TPCN1: variants seen among roughly 807,000 people sequenced by gnomAD.
The protein encoded by TPCN1 is two pore segment channel 1, also known as two pore channel protein 1.
TPCN1 carries 52 observed loss-of-function variants against 108.8 expected under a neutral mutation model. The observed-to-expected ratio is 0.48, with a 90% CI of 0.38 to 0.60. The LOEUF (loss-of-function observed/expected upper bound fraction) is 0.60, where lower values mean the gene tolerates loss of function less well. Among genes scored for constraint, TPCN1 ranks in the 20% least tolerant of loss-of-function variants. TPCN1 has a pLI of 0.00. For synonymous variants in TPCN1, 446 were observed against 433.7 expected (o/e 1.03, Z -0.35); for missense variants, 806 against 1,072.8 (o/e 0.75, Z 3.47).
At position 113,271,426 on chromosome 12, in the gene TPCN1, TATC is replaced by T. The variant is rs1955497497; in HGVS notation, c.749-1229_749-1227del. Reference sequence around the variant, plus strand: ...CCAAAGGTACCCCCTGTCCTACGCTTATCATTCCCATGCACGTCTTTATATTTT... The same window carrying T: ...CCAAAGGTACCCCCTGTCCTACGCTTATTCCCATGCACGTCTTTATATTTT... On this transcript the variant is annotated intron_variant, in intron 7 of 27. Coordinates refer to ENST00000335509, the MANE Select transcript of TPCN1 (RefSeq NM_017901.6). 2.0e-5 allele frequency among the ~76,000 whole-genome samples: 3 copies of T among 152,220 alleles called. No individual in the cohort carries two copies. The South Asian group carries it at 6.2e-4, about 31-fold the overall frequency.
At chr12:113,239,795 G>A (rs1287106822) in intron 2 of TPCN1, among the ~76,000 whole-genome samples, 33 of 152,128 alleles carry the variant, frequency 2.2e-4, no homozygotes, top group Admixed American at 1.7e-3. Context: ...CCCCGTCGCC[G>A]CCCTACCATT....
intron 2 of TPCN1, among the ~76,000 whole-genome samples, chr12:113,253,981 G>A (rs949509900): frequency 3.9e-5 from 6 of 152,236 alleles, no homozygotes; most frequent in African/African-American, 7.2e-5. Flanking sequence ...AGAGATGGTA[G>A]TATAGTGCAG....
At chr12:113,285,770 A>C (rs1294940953) in intron 17 of TPCN1, 119 bp from the exon 18 acceptor site, 1 of 873,216 alleles carries the variant, frequency 1.1e-6, no homozygotes, top group Non-Finnish European at 1.9e-6. Flanking sequence ...GCCTGGGCTC[A>C]GCCTGGAGGG....
rs747874457 is a variant in TPCN1, at chr12:113,278,832, A to G, written c.1294A>G (p.Lys432Glu). 5 of 1,613,842 alleles carry G rather than the reference A, an allele frequency of 3.1e-6. No homozygotes were observed. The highest frequency in any genetic ancestry group is 4.2e-6 in the Non-Finnish European group (5 of 1,179,832). The change falls in exon 14 of 28, where the codon AAA becomes GAA. Residue 432 changes from lysine to glutamate, a missense_variant. Lys to Glu is a moderately conservative substitution (Grantham distance 56). Transcript: ENST00000335509. ...TCCCAGGACGGCGCTCCTCATCTTCAAAGGTAAGTGGGCTTGAGTATGGCA... is the reference window on the plus strand; with the variant it reads ...TCCCAGGACGGCGCTCCTCATCTTCGAAGGTAAGTGGGCTTGAGTATGGCA... Reference protein sequence around the residue: ...ELPRTALLIFKGINILVKSKA... With the variant: ...ELPRTALLIFEGINILVKSKA...
rs770682225 is a variant in TPCN1, at chr12:113,266,186, G to A, written c.244G>A (p.Glu82Lys). The A allele has an allele frequency of 5.6e-6, 9 of 1,614,070 alleles. No individual in the cohort carries two copies. The highest frequency in any genetic ancestry group is 2.2e-5 in the East Asian group (1 of 44,876). ...ACTACTCTCATCTTTTCAGGAAGGC[G>A]AGAACAACGACAAGTTCTTCACCCA... ...QEAAIYLQEG[E>K]NNDKFFTHPK... The change falls in exon 4 of 28, where the codon GAG becomes AAG. Residue 82 changes from glutamate to lysine, a missense_variant. Coordinates refer to ENST00000335509, the MANE Select transcript of TPCN1 (RefSeq NM_017901.6). This position sits in a 1 kb window ranked among gnomAD's most constrained non-coding sequence, Gnocchi z 4.2.
At chr12:113,224,670 A>C (rs929048381) in intron 1 of TPCN1, among the ~76,000 whole-genome samples, 7 of 152,190 alleles carry the variant, frequency 4.6e-5, no homozygotes, top group African/African-American at 1.4e-4. Context: ...TGCTGGGATT[A>C]CAGGCATGAG....
intron 2 of TPCN1, among the ~76,000 whole-genome samples, chr12:113,245,317 G>GGCCCCTCAGTATCACC (rs761738221): frequency 1.6e-5 from 2 of 122,848 alleles, no homozygotes; most frequent in African/African-American, 3.4e-5. Flanking sequence ...AGAAAAGGGG[G>GGCCCCTCAGTATCACC]CTGGGCGCGG....
Position 113,286,994 on chromosome 12 carries a change from T to G in TPCN1, c.1534T>G (p.Phe512Val). 1.9e-6 allele frequency: 3 copies of G among 1,613,632 alleles called. No individual in the cohort carries two copies. The highest frequency in any genetic ancestry group is 2.5e-6 in the Non-Finnish European group (3 of 1,179,882). ...GCCTCTCCCCTACTGCAGGTTTGAC[T>G]TCTCCGTGACAGTGTTCGCCTTCCT... ...YLSSGWNLFD[F>V]SVTVFAFLGL... is the part of the protein sequence containing the mutation. The change falls in exon 19 of 28, where the codon TTC (phenylalanine) becomes GTC (valine). Residue 512 changes from phenylalanine to valine, a missense_variant. Transcript: ENST00000335509.
At chr12:113,286,915 G>A (rs1402985940) in intron 18 of TPCN1, 72 bp from the exon 19 acceptor site, 1 of 1,103,200 alleles carries the variant, frequency 9.1e-7, no homozygotes, top group Non-Finnish European at 1.4e-6. Context: ...GCTGTGCACA[G>A]GGCCAGGGAG....
rs552487208 is a variant in TPCN1 at position 113,291,529 on chromosome 12, G to A, written c.1960-80G>A. ...ATCACGGTGGGGTCTGCGAAGAGCC[G>A]GGGCCATGGAGCAGCCTGTGTAGAC... On this transcript the variant is annotated intron_variant, in intron 23 of 27. Transcript: ENST00000335509. 75 of 1,247,502 alleles carry A rather than the reference G, an allele frequency of 6.0e-5. 1 individual carries two copies. In the Admixed American group the frequency reaches 1.2e-3, roughly 19 times the overall value. The allele number at this position is 1,247,502 out of a possible 1,614,324, so 77.3% of individuals were successfully genotyped here. A position where few individuals can be genotyped will look rare whatever the true frequency, so the allele number is the denominator to read the frequency against.
chr12:113,260,666 A>G (rs1954996736), intron 3 of TPCN1, among the ~76,000 whole-genome samples, 174 bp downstream of exon 3: 1 of 152,120 alleles, frequency 6.6e-6, no homozygotes, highest in East Asian at 1.9e-4. Flanking sequence ...TCATAGGGGA[A>G]AACTGCTGTG....
Position 113,273,759 on chromosome 12 carries a change from T to G in TPCN1, c.942+91T>G, listed in dbSNP as rs532992684. The G allele has an allele frequency of 1.9e-6, 2 of 1,062,570 alleles. No individual in the cohort carries two copies. The highest frequency in any genetic ancestry group is 3.1e-5 in the African/African-American group (2 of 64,458). The allele number at this position is 1,062,570 out of a possible 1,614,324, so 65.8% of individuals were successfully genotyped here. On this transcript the variant is annotated intron_variant, in intron 10 of 27. Transcript: ENST00000335509. This position sits in a 1 kb window ranked among gnomAD's most constrained non-coding sequence, Gnocchi z 4.0. ...TGGGAGTGGAGAAGTGGGGACTGTC[T>G]TCTGCCTCTCAGGGCAGAACGTTGG...
intron 27 of TPCN1, among the ~76,000 whole-genome samples, chr12:113,293,893 A>T (rs1184375836): frequency 6.6e-6 from 1 of 152,188 alleles, no homozygotes; most frequent in African/African-American, 2.4e-5. Flanking sequence ...GCTGGAGTGC[A>T]GCAGCACGAT....
intron 2 of TPCN1, among the ~76,000 whole-genome samples, chr12:113,246,584 C>T (rs888831165): frequency 1.3e-5 from 2 of 152,220 alleles, no homozygotes; most frequent in Non-Finnish European, 2.9e-5. Context: ...ATGTCCGGCC[C>T]GGTTGCCTCC....
At position 113,278,245 on chromosome 12, in the gene TPCN1, C is replaced by T; in HGVS notation, c.1233+8C>T. On this transcript the variant is annotated splice_region_variant and intron_variant, in intron 13 of 27. Transcript: ENST00000335509. The stretch of plus-strand genomic sequence containing the variant: ...GCTGCTTTGAAGTGGAAGGTGAGTT[C>T]TTCTCTGAGACCATAGAAGGAGTAG... 6.2e-7 allele frequency: 1 copy of T among 1,613,492 alleles called. No individual in the cohort carries two copies. Among genetic ancestry groups the T allele is most frequent in the East Asian group, 2.2e-5 (1 of 44,854 alleles).
At chr12:113,286,102 C>T (rs968809812) in intron 18 of TPCN1, 141 bp downstream of exon 18, 36 of 740,724 alleles carry the variant, frequency 4.9e-5, no homozygotes, top group South Asian at 4.6e-4. Flanking sequence ...ATGTCTCCCT[C>T]AAGCAGCCCT....
At chr12:113,293,797 G>C (rs540433046) in intron 27 of TPCN1, among the ~76,000 whole-genome samples, 1 of 152,202 alleles carries the variant, frequency 6.6e-6, no homozygotes, top group Non-Finnish European at 1.5e-5. Flanking sequence ...CAGCCCCAGC[G>C]AGTGCTGCCC....
intron 2 of TPCN1, among the ~76,000 whole-genome samples, chr12:113,246,353 G>C (rs1388751477): frequency 6.6e-6 from 1 of 152,234 alleles, no homozygotes. Flanking sequence ...GTCTGCCCAG[G>C]GCACCAGAAG....
At chr12:113,271,449 T>C (rs1461946956) in intron 7 of TPCN1, among the ~76,000 whole-genome samples, 1 of 152,210 alleles carries the variant, frequency 6.6e-6, no homozygotes, top group Non-Finnish European at 1.5e-5. Context: ...CACGTCTTTA[T>C]ATTTTACTTC....
Sources: gnomAD v4.1 joint callset for allele counts (sites outside exome capture counted in the v4.1 genomes callset) on GRCh38, gnomAD v4.1.1 for gene constraint, Gnocchi (gnomAD v3.1) non-coding constraint, MANE v1.5 for transcripts, NCBI Gene and HGNC (gene_info 2026-07-23, HGNC 2026-07-21) for gene names.